PDE12: variants seen among roughly 807,000 people sequenced by gnomAD.
PDE12 encodes phosphodiesterase 12, also known as 2',5'-phosphodiesterase 12.
In PDE12, 26 loss-of-function variants were observed where a neutral mutation model predicts 45.4. That is an observed-to-expected ratio of 0.57 (90% CI 0.42 to 0.79). The LOEUF (loss-of-function observed/expected upper bound fraction) is 0.79, where lower values mean the gene tolerates loss of function less well. PDE12 is among the 30% of genes least tolerant of loss of function. PDE12 has a pLI of 0.00. For missense variants in PDE12, 668 were observed against 790.0 expected (o/e 0.85, Z 1.85); for synonymous variants, 283 against 323.9 (o/e 0.87, Z 1.36).
chr3:57,628,742 C>A, the PDE12 span: 1 of 1,496,028 alleles, frequency 6.7e-7, no homozygotes, highest in South Asian at 1.2e-5. Flanking sequence ...CATGGGTTGT[C>A]AGCTCACATG....
chr3:57,649,779 C>CT, the PDE12 span, among the ~76,000 whole-genome samples: 1 of 151,836 alleles, frequency 6.6e-6, no homozygotes, highest in Non-Finnish European at 1.5e-5. Flanking sequence ...TGCTCACTCT[C>CT]TGATTCTCCT....
chr3:57,641,801 A>G, the PDE12 span: 9 of 1,429,134 alleles, frequency 6.3e-6, no homozygotes, highest in Admixed American at 9.2e-5. Flanking sequence ...GATGAATGCT[A>G]AATCAGTGAA....
At chr3:57,575,777 T>C in the PDE12 span, 2 of 1,245,368 alleles carry the variant, frequency 1.6e-6, no homozygotes, top group Non-Finnish European at 2.2e-6. Context: ...TTATTAAACA[T>C]TAACCTAATT....
chr3:57,559,755 G>A lies in PDE12; in HGVS notation c.1581G>A (p.Glu527=). 1.9e-6 allele frequency: 3 copies of A among 1,614,160 alleles called. No individual in the cohort carries two copies. The highest frequency in any genetic ancestry group is 2.5e-6 in the Non-Finnish European group (3 of 1,180,030). ...AAGACTGGGCTTCCAATGGGGAGGAGGAAAGATGCAATATGTCTCTTACAC... is the reference window on the plus strand; with the variant it reads ...AAGACTGGGCTTCCAATGGGGAGGAAGAAAGATGCAATATGTCTCTTACAC... ...DHEDWASNGE[E]ERCNMSLTHF... is the part of the protein sequence containing the mutation. The change falls in exon 3 of 3, where the codon GAG becomes GAA. Residue 527 remains glutamate, a synonymous_variant. Coordinates refer to ENST00000311180, the MANE Select transcript of PDE12 (RefSeq NM_177966.7).
chr3:57,627,920 C>G, the PDE12 span: 1 of 249,278 alleles, frequency 4.0e-6, no homozygotes, highest in Non-Finnish European at 7.8e-6. Flanking sequence ...AGTATGAAAT[C>G]ACTAATACTG....
chr3:57,606,941 C>A, the PDE12 span, among the ~76,000 whole-genome samples: 2 of 152,172 alleles, frequency 1.3e-5, no homozygotes, highest in African/African-American at 4.8e-5. Context: ...AACGGACAGA[C>A]TGCCTACTCA....
chr3:57,642,114 G>A, the PDE12 span, among the ~76,000 whole-genome samples: 1 of 151,726 alleles, frequency 6.6e-6, no homozygotes, highest in African/African-American at 2.4e-5. Context: ...GGAGTTCGAG[G>A]CCAACCTGGC....
the PDE12 span, among the ~76,000 whole-genome samples, chr3:57,610,784 C>G: frequency 6.6e-6 from 1 of 152,094 alleles, no homozygotes; most frequent in South Asian, 2.1e-4. Flanking sequence ...TAGGAAGAAT[C>G]AATATCGTGA....
At chr3:57,573,786 T>C in the PDE12 span, among the ~76,000 whole-genome samples, 1 of 152,174 alleles carries the variant, frequency 6.6e-6, no homozygotes, top group Admixed American at 6.5e-5. Context: ...TTTACCATGT[T>C]GCCCAGGCTG....
At chr3:57,614,245 A>G in the PDE12 span, among the ~76,000 whole-genome samples, 58,738 of 152,010 alleles carry the variant, frequency 0.39, 12,684 homozygotes, top group South Asian at 0.56. Context: ...ACATTTACCA[A>G]GATAAACTAT....
the PDE12 span, among the ~76,000 whole-genome samples, chr3:57,582,774 C>G: frequency 6.6e-6 from 1 of 151,812 alleles, no homozygotes; most frequent in Non-Finnish European, 1.5e-5. Context: ...TAAAAAAAAA[C>G]TGACAAGAAA....
the PDE12 span, chr3:57,628,070 A>C: frequency 8.2e-7 from 1 of 1,219,338 alleles, no homozygotes; most frequent in Non-Finnish European, 1.1e-6. Flanking sequence ...CTGTTTATAC[A>C]ATACAGTCTT....
At chr3:57,606,688 GA>G in the PDE12 span, among the ~76,000 whole-genome samples, 2 of 151,928 alleles carry the variant, frequency 1.3e-5, no homozygotes, top group Non-Finnish European at 2.9e-5. Flanking sequence ...AAGACTGGAA[GA>G]AAAAAATGGA....
rs1559776638 is a variant in PDE12 at position 57,557,269 on chromosome 3, CTG to C, written c.892_893del (p.Val298LeufsTer13). 1 of 1,614,010 alleles carries C rather than the reference CTG, an allele frequency of 6.2e-7. No homozygotes were observed. Among genetic ancestry groups the C allele is most frequent in the Non-Finnish European group, 8.5e-7 (1 of 1,180,034 alleles). On this transcript the variant is annotated frameshift_variant, in exon 1 of 3. Coordinates refer to ENST00000311180, the MANE Select transcript of PDE12 (RefSeq NM_177966.7). LOFTEE classifies it high-confidence loss of function. ...GTGACTGAGGACGCTCTCATCCGCACTGTCTCTTACAACATCCTGGCAGACAC... is the reference window on the plus strand; with the variant it reads ...GTGACTGAGGACGCTCTCATCCGCACTCTCTTACAACATCCTGGCAGACAC...
Position 57,557,477 on chromosome 3 carries a change from G to T in PDE12, c.1098G>T (p.Glu366Asp). The change falls in exon 1 of 3, where the codon GAG (glutamate) becomes GAT (aspartate). Residue 366 changes from glutamate to aspartate, a missense_variant. This residue lies in a region of PDE12 where 580 missense variants were observed against 662.9 expected (regional missense o/e 0.87). Transcript: ENST00000311180. ...VFSDSLVPALEAFGLEGVFRI... is the reference protein window; with the variant it reads ...VFSDSLVPALDAFGLEGVFRI... ...CTGACAGCTTGGTACCCGCCCTAGA[G>T]GCCTTCGGGCTCGAGGGGGTGTTTC... The T allele has an allele frequency of 6.2e-6, 10 of 1,614,068 alleles. No homozygotes were observed. The highest frequency in any genetic ancestry group is 8.5e-6 in the Non-Finnish European group (10 of 1,180,026).
chr3:57,568,038 A>T (rs2069801464), downstream of PDE12, among the ~76,000 whole-genome samples: 1 of 134,628 alleles, frequency 7.4e-6, no homozygotes, highest in Non-Finnish European at 1.5e-5. Flanking sequence ...ACTGCACTCC[A>T]GCCTGGGTGA....
chr3:57,613,507 T>C, the PDE12 span, among the ~76,000 whole-genome samples: 1 of 151,342 alleles, frequency 6.6e-6, no homozygotes, highest in Non-Finnish European at 1.5e-5. Context: ...TTGGTCAGGC[T>C]GGTCTGGAAC....
chr3:57,644,370 A>G, the PDE12 span, among the ~76,000 whole-genome samples: 1 of 152,002 alleles, frequency 6.6e-6, no homozygotes, highest in African/African-American at 2.4e-5. Context: ...CAGTGGCACG[A>G]TCTGAGTTCA....
the PDE12 span, among the ~76,000 whole-genome samples, chr3:57,603,432 G>A: frequency 2.0e-5 from 3 of 151,756 alleles, no homozygotes; most frequent in Non-Finnish European, 4.4e-5. Flanking sequence ...CTCCCTCCCA[G>A]GTTCAAGTGA....
Sources: gnomAD v4.1 joint callset for allele counts (sites outside exome capture counted in the v4.1 genomes callset) on GRCh38, gnomAD v4.1.1 for gene constraint, gnomAD v4.1.1 regional missense constraint, MANE v1.5 for transcripts, NCBI Gene and HGNC (gene_info 2026-07-23, HGNC 2026-07-21) for gene names.